NR5A2: variants seen among roughly 807,000 people sequenced by gnomAD.
The protein encoded by NR5A2 is CYP7A promoter-binding factor.
Under a neutral mutation model 62.7 loss-of-function variants are expected in NR5A2, and 26 were observed. The observed-to-expected ratio is 0.41, with a 90% CI of 0.30 to 0.58. NR5A2 has a LOEUF of 0.58. NR5A2 is among the 20% of genes least tolerant of loss of function. The pLI is 0.22. For missense variants in NR5A2, 541 were observed against 669.1 expected (o/e 0.81, Z 2.11); for synonymous variants, 246 against 241.7 (o/e 1.02, Z -0.16).
At chr1:200,089,296 C>T (rs192274586) in intron 5 of NR5A2, among the ~76,000 whole-genome samples, 3 of 152,170 alleles carry the variant, frequency 2.0e-5, no homozygotes, top group Non-Finnish European at 4.4e-5. Flanking sequence ...CTCACTGCAA[C>T]CTCCACCTCC....
In NR5A2 at chr1:200,034,194, G is replaced by A. The variant is rs114567163; in HGVS notation, c.65-5464G>A. ...AAGTGTTCAGCTAGTTTCACAAGGT[G>A]CTTTGTGGCCTACTAGCGCCGGGAT... On this transcript the variant is annotated intron_variant, in intron 1 of 7. Coordinates refer to ENST00000367362, the MANE Select transcript of NR5A2 (RefSeq NM_205860.3). 2.3e-3 allele frequency among the ~76,000 whole-genome samples: 343 copies of A among 152,332 alleles called. 2 individuals carry two copies. The highest frequency in any genetic ancestry group is 4.1e-3 in the Non-Finnish European group (279 of 68,030).
intron 5 of NR5A2, among the ~76,000 whole-genome samples, chr1:200,100,554 C>G (rs1212936126): frequency 1.3e-5 from 2 of 152,280 alleles, no homozygotes; most frequent in Non-Finnish European, 2.9e-5. Context: ...TGCATTCTCT[C>G]CATGTCTGTG....
chr1:200,088,502 C>T (rs1664664315), intron 5 of NR5A2, among the ~76,000 whole-genome samples: 1 of 152,046 alleles, frequency 6.6e-6, no homozygotes, highest in Admixed American at 6.6e-5. Context: ...GGTGATCTGC[C>T]CACGTCGGCC....
rs145614261 is a variant in NR5A2, at chr1:200,158,009, T to C, written c.1379-15954T>C. ...AATGTAGATAGTAACAGTTCTCATA[T>C]GGGCATAAAATTGCAAGAATTTTAC... On this transcript the variant is annotated intron_variant, in intron 7 of 7. Transcript: ENST00000367362. Among the ~76,000 whole-genome samples the C allele has an allele frequency of 2.7e-3, 406 of 152,348 alleles. 1 individual carries two copies. Among genetic ancestry groups the C allele is most frequent in the Non-Finnish European group, 4.3e-3 (295 of 68,034 alleles).
chr1:200,073,115 G>A (rs1350259017), intron 5 of NR5A2, among the ~76,000 whole-genome samples: 1 of 151,678 alleles, frequency 6.6e-6, no homozygotes. Flanking sequence ...CAGAGGATCA[G>A]TTAACATAGT....
intron 5 of NR5A2, among the ~76,000 whole-genome samples, chr1:200,079,559 C>T (rs951523803): frequency 3.9e-5 from 6 of 152,224 alleles, no homozygotes; most frequent in African/African-American, 1.4e-4. Context: ...CATTGGCTTT[C>T]AAAGATATAT....
intron 1 of NR5A2, among the ~76,000 whole-genome samples, chr1:200,033,954 G>C (rs545572677): frequency 1.3e-5 from 2 of 152,262 alleles, no homozygotes; most frequent in South Asian, 4.1e-4. Context: ...AGAAGCTCAG[G>C]CAGGGGCTTT....
At chr1:200,165,226 T>G (rs1447889040) in intron 7 of NR5A2, among the ~76,000 whole-genome samples, 1 of 151,858 alleles carries the variant, frequency 6.6e-6, no homozygotes, top group Non-Finnish European at 1.5e-5. Flanking sequence ...GTACAGAGAC[T>G]CCCCACATAA....
chr1:200,138,249 C>A (rs1667310893), intron 7 of NR5A2, among the ~76,000 whole-genome samples: 1 of 152,176 alleles, frequency 6.6e-6, no homozygotes, highest in African/African-American at 2.4e-5. Context: ...ACTCTAGAAA[C>A]TGTCAAAGTG....
chr1:200,060,642 A>G (rs150294873), intron 5 of NR5A2, among the ~76,000 whole-genome samples: 1 of 152,168 alleles, frequency 6.6e-6, no homozygotes, highest in Non-Finnish European at 1.5e-5. Flanking sequence ...TCAGTCTTTT[A>G]ACCATGTATC....
At chr1:200,092,148 A>G (rs1664848481) in intron 5 of NR5A2, among the ~76,000 whole-genome samples, 1 of 152,208 alleles carries the variant, frequency 6.6e-6, no homozygotes, top group Admixed American at 6.5e-5. Flanking sequence ...CTGCATAGAC[A>G]CATATTCAAC....
Position 200,122,136 on chromosome 1 carries a change from G to A in NR5A2, c.1378+1181G>A, listed in dbSNP as rs558880785. 2.2e-4 allele frequency among the ~76,000 whole-genome samples: 34 copies of A among 152,260 alleles called. 1 individual carries two copies. In the South Asian group the frequency reaches 6.2e-3, roughly 28 times the overall value. On this transcript the variant is annotated intron_variant, in intron 7 of 7. Transcript: ENST00000367362. ...AATTTCATGGATGTAACGTTCAAAG[G>A]TTTACAATGCCAAGACTGGATCCTG...
intron 7 of NR5A2, among the ~76,000 whole-genome samples, chr1:200,160,424 CAA>C (rs1419461911): frequency 3.3e-5 from 5 of 152,122 alleles, no homozygotes; most frequent in African/African-American, 1.2e-4. Context: ...ATAATCTCTC[CAA>C]AAGTCAGTAA....
At chr1:200,042,921 C>T (rs1662181798) in intron 2 of NR5A2, 1 of 985,334 alleles carries the variant, frequency 1.0e-6, no homozygotes, top group Admixed American at 6.1e-5. Context: ...CGCCGCGCGT[C>T]GTGGCGGCCT....
At chr1:200,035,522 G>C (rs915244743) in intron 1 of NR5A2, among the ~76,000 whole-genome samples, 4 of 152,146 alleles carry the variant, frequency 2.6e-5, no homozygotes, top group African/African-American at 9.7e-5. Context: ...TCCGAAATGC[G>C]GTGCTGAACC....
chr1:200,101,424 A>C (rs181007505), intron 5 of NR5A2, among the ~76,000 whole-genome samples: 3 of 152,322 alleles, frequency 2.0e-5, no homozygotes, highest in Admixed American at 2.0e-4. Context: ...TAGGTAGGCT[A>C]TGAAGTTTGT....
intron 5 of NR5A2, among the ~76,000 whole-genome samples, chr1:200,082,134 A>T (rs1664323883): frequency 6.6e-6 from 1 of 152,144 alleles, no homozygotes; most frequent in Non-Finnish European, 1.5e-5. Context: ...TTCTCATTGG[A>T]GGGAAGAAGC....
At chr1:200,159,048 AT>A (rs56931686) in intron 7 of NR5A2, among the ~76,000 whole-genome samples, 9,944 of 146,690 alleles carry the variant, frequency 0.068, 364 homozygotes, top group Middle Eastern at 0.11. Flanking sequence ...ACACCCAGCT[AT>A]TTTTTTTTTT....
chr1:200,069,739 C>G (rs1663651864), intron 5 of NR5A2, among the ~76,000 whole-genome samples: 1 of 152,198 alleles, frequency 6.6e-6, no homozygotes, highest in Admixed American at 6.5e-5. Flanking sequence ...TTAAAAACTA[C>G]TAAATTATCT....
Sources: allele counts gnomAD v4.1 joint callset (sites outside exome capture counted in the v4.1 genomes callset), GRCh38; gene constraint gnomAD v4.1.1; transcripts MANE v1.5; gene names NCBI Gene and HGNC (gene_info 2026-07-23, HGNC 2026-07-21).